Variants in TIMM8B observed in about 807,000 individuals in gnomAD.
The protein encoded by TIMM8B is translocase of inner mitochondrial membrane 8 homolog B, also known as mitochondrial import inner membrane translocase subunit Tim8 B.
A neutral mutation model predicts 8.5 loss-of-function variants in TIMM8B; 5 were observed. The observed-to-expected ratio is 0.59, with a 90% CI of 0.31 to 1.24. TIMM8B has a LOEUF of 1.24. Among genes scored for constraint, TIMM8B ranks in the 50% most tolerant of loss-of-function variants. The pLI is 0.07. For missense variants in TIMM8B, 104 were observed against 109.2 expected, an observed-to-expected ratio of 0.95 and a Z score of 0.21; for synonymous variants, 44 against 39.9, an observed-to-expected ratio of 1.10 and a Z score of -0.39.
chr11:112,085,547 A>G, intron 1 of TIMM8B, 85 bp from the exon 2 acceptor site: 1 of 1,161,612 alleles, frequency 8.6e-7, no homozygotes, highest in East Asian at 2.5e-5. Flanking sequence ...TTGACACCTG[A>G]CAAAACCATT....
Position 112,085,204 on chromosome 11 carries a change from A to T in TIMM8B, c.*91T>A. ...CAGACTTGATAACAGCCTGATGCTG[A>T]TCTGACAATGGGTTGATAGCCTTCC... On this transcript the variant is annotated 3_prime_UTR_variant, in exon 2 of 2. Coordinates refer to ENST00000504148, the MANE Select transcript of TIMM8B (RefSeq NM_012459.4). 1.9e-6 allele frequency: 2 copies of T among 1,030,958 alleles called. No homozygotes were observed. Among genetic ancestry groups the T allele is most frequent in the Non-Finnish European group, 2.8e-6 (2 of 717,986 alleles). The allele number at this position is 1,030,958 out of a possible 1,614,324, so 63.9% of individuals were successfully genotyped here.
At chr11:112,086,188 G>A (rs1865593401) in intron 1 of TIMM8B, 4 of 546,882 alleles carry the variant, frequency 7.3e-6, no homozygotes, top group Non-Finnish European at 1.3e-5. Flanking sequence ...ACCTTCCTCC[G>A]ATAATGTTCT....
Position 112,085,344 on chromosome 11 carries a change from A to T in TIMM8B, c.203T>A (p.Leu68His), listed in dbSNP as rs1451235051. Residue 68 changes from leucine (L) to histidine (H), a missense_variant, in exon 2 of 2, where the codon CTT becomes CAT. Transcript: ENST00000504148. ...CTGGGCAAACCGACTGGTGATGGCAAGAGTGGTGTCAATGAAGCGGTCTAC... is the reference window on the plus strand; with the variant it reads ...CTGGGCAAACCGACTGGTGATGGCATGAGTGGTGTCAATGAAGCGGTCTAC... ...SCVDRFIDTTLAITSRFAQIV... is the reference protein window; with the variant it reads ...SCVDRFIDTTHAITSRFAQIV... 6.2e-7 allele frequency: 1 copy of T among 1,613,252 alleles called. No homozygotes were observed. The highest frequency in any genetic ancestry group is 8.5e-7 in the Non-Finnish European group (1 of 1,179,934).
At chr11:112,085,514 CTTGT>C (rs1280431754) in intron 1 of TIMM8B, 52 bp from the exon 2 acceptor site, 2 of 1,471,602 alleles carry the variant, frequency 1.4e-6, no homozygotes, top group South Asian at 1.3e-5. Flanking sequence ...AGGCCTAACT[CTTGT>C]TTATTAACTT....
At chr11:112,086,395 C>T (rs900697323) in intron 1 of TIMM8B, 28 of 697,964 alleles carry the variant, frequency 4.0e-5, no homozygotes, top group Non-Finnish European at 6.1e-5. Context: ...CTCCCGTACC[C>T]TTGCGTCGCC....
chr11:112,085,104 C>T lies in TIMM8B; in HGVS notation c.*191G>A, dbSNP rs146725060. The T allele has an allele frequency of 2.0e-3, 928 of 459,356 alleles. 9 individuals carry two copies. The highest frequency in any genetic ancestry group is 0.015 in the African/African-American group (801 of 51,688). 28.5% of individuals were successfully genotyped at this position (459,356 alleles called of 1,614,324 possible). A position where few individuals can be genotyped will look rare whatever the true frequency, so the allele number is the denominator to read the frequency against. ...CACTTATTGAGTAACTGATGTCATACAACCTGGAATTTCTGAATTCCAAAT... is the reference window on the plus strand; with the variant it reads ...CACTTATTGAGTAACTGATGTCATATAACCTGGAATTTCTGAATTCCAAAT... On this transcript the variant is annotated 3_prime_UTR_variant, in exon 2 of 2. Transcript: ENST00000504148.
Position 112,085,014 on chromosome 11 carries a change from C to A in TIMM8B, c.*281G>T. 1 of 264,236 alleles carries A rather than the reference C, an allele frequency of 3.8e-6. No homozygotes were observed. Among genetic ancestry groups the A allele is most frequent in the East Asian group, 6.9e-5 (1 of 14,520 alleles). 16.4% of individuals were successfully genotyped at this position (264,236 alleles called of 1,614,324 possible). A position where few individuals can be genotyped will look rare whatever the true frequency, so the allele number is the denominator to read the frequency against. ...CCATGGAACATTTATTTCTAGTGTT[C>A]CTGCCAATCAGAGATCTCTATATTA... On this transcript the variant is annotated 3_prime_UTR_variant, in exon 2 of 2. Coordinates refer to ENST00000504148, the MANE Select transcript of TIMM8B (RefSeq NM_012459.4).
chr11:112,085,431 T>G lies in TIMM8B; in HGVS notation c.116A>C (p.Lys39Thr), dbSNP rs1566686365. 1 of 1,613,980 alleles carries G rather than the reference T, an allele frequency of 6.2e-7. No homozygotes were observed. The highest frequency in any genetic ancestry group is 8.5e-7 in the Non-Finnish European group (1 of 1,179,884). ...VHHFMELCWD[K>T]CVEKPGNRLD... is the part of the protein sequence containing the mutation. Reference sequence around the variant, plus strand: ...GCGATTCCCTGGCTTCTCCACACATTTATCCCAACATAACTCCATGAAGTG... The same window carrying G: ...GCGATTCCCTGGCTTCTCCACACATGTATCCCAACATAACTCCATGAAGTG... Residue 39 changes from lysine to threonine, a missense_variant, in exon 2 of 2, where the codon AAA (lysine) becomes ACA (threonine). By Grantham distance (78) the Lys-to-Thr change is moderately conservative (BLOSUM62 -1). Coordinates refer to ENST00000504148, the MANE Select transcript of TIMM8B (RefSeq NM_012459.4).
At position 112,085,283 on chromosome 11, in the gene TIMM8B, C is replaced by T. The variant is rs1865565405; in HGVS notation, c.*12G>A. The T allele has an allele frequency of 1.9e-6, 3 of 1,604,466 alleles. No homozygotes were observed. The highest frequency in any genetic ancestry group is 1.7e-5 in the Admixed American group (1 of 59,092). ...CAAGTCCTTTGCTTCTGTCATTCTCCTGGGGGATGGCCTACTGCCCTCCTT... is the reference window on the plus strand; with the variant it reads ...CAAGTCCTTTGCTTCTGTCATTCTCTTGGGGGATGGCCTACTGCCCTCCTT... On this transcript the variant is annotated 3_prime_UTR_variant, in exon 2 of 2. Coordinates refer to ENST00000504148, the MANE Select transcript of TIMM8B (RefSeq NM_012459.4).
Position 112,086,701 on chromosome 11 carries a change from T to C in TIMM8B, c.23A>G (p.Asp8Gly), listed in dbSNP as rs760495018. MAELGEA[D>G]EAELQRLVAA... is the part of the protein sequence containing the mutation. ...CACCAGGCGCTGCAACTCCGCTTCA[T>C]CGGCTTCGCCCAGCTCCGCCATTGT... The change falls in exon 1 of 2, where the codon GAT becomes GGT. Residue 8 changes from aspartate to glycine, a missense_variant. Coordinates refer to ENST00000504148, the MANE Select transcript of TIMM8B (RefSeq NM_012459.4). 5.6e-6 allele frequency: 9 copies of C among 1,603,448 alleles called. No individual in the cohort carries two copies. The African/African-American group carries it at 9.3e-5, about 17-fold the overall frequency.
chr11:112,086,665 T>G lies in TIMM8B; in HGVS notation c.59A>C (p.Gln20Pro), dbSNP rs1865606858. The change falls in exon 1 of 2, where the codon CAG becomes CCG. Residue 20 changes from glutamine to proline, a missense_variant. By Grantham distance (76) the Gln-to-Pro change is moderately conservative. Transcript: ENST00000504148. ...AELQRLVAAE[Q>P]QKAQFTAQVH... ...CTGTGCAGTAAACTGCGCCTTCTGCTGCTCGGCGGCCACCAGGCGCTGCAA... is the reference window on the plus strand; with the variant it reads ...CTGTGCAGTAAACTGCGCCTTCTGCGGCTCGGCGGCCACCAGGCGCTGCAA... 1 of 1,601,558 alleles carries G rather than the reference T, an allele frequency of 6.2e-7. No individual in the cohort carries two copies. The highest frequency in any genetic ancestry group is 8.5e-7 in the Non-Finnish European group (1 of 1,178,558).
intron 1 of TIMM8B, 67 bp downstream of exon 1, chr11:112,086,573 C>A: frequency 1.3e-6 from 2 of 1,494,564 alleles, no homozygotes; most frequent in East Asian, 2.5e-5. Context: ...GTACAGACCT[C>A]CGAGCGTGCC....
chr11:112,086,493 A>C, intron 1 of TIMM8B, 147 bp downstream of exon 1: 1 of 1,220,224 alleles, frequency 8.2e-7, no homozygotes, highest in Non-Finnish European at 1.1e-6. Flanking sequence ...CAGGGACAGG[A>C]GAGCCATAAC....
At chr11:112,085,803 CT>C (rs1321210642) in intron 1 of TIMM8B, among the ~76,000 whole-genome samples, 1 of 152,140 alleles carries the variant, frequency 6.6e-6, no homozygotes, top group East Asian at 1.9e-4. Flanking sequence ...TTCCATTAAC[CT>C]TTTGGGGGTT....
intron 1 of TIMM8B, chr11:112,086,053 A>G: frequency 8.5e-7 from 1 of 1,174,692 alleles, no homozygotes; most frequent in Admixed American, 3.6e-5. Context: ...CTCCCATTTA[A>G]GAGGCGTGAT....
At position 112,086,669 on chromosome 11, in the gene TIMM8B, C is replaced by A. The variant is rs1396247943; in HGVS notation, c.55G>T (p.Glu19Ter). ...EAELQRLVAA[E>*]QQKAQFTAQV... ...GCAGTAAACTGCGCCTTCTGCTGCT[C>A]GGCGGCCACCAGGCGCTGCAACTCC... Residue 19 changes from glutamate to a stop codon, truncating the protein, a stop_gained, in exon 1 of 2, where the codon GAG (glutamate) becomes TAG (stop). Coordinates refer to ENST00000504148, the MANE Select transcript of TIMM8B (RefSeq NM_012459.4). LOFTEE classifies it high-confidence loss of function. The A allele has an allele frequency of 6.2e-7, 1 of 1,601,742 alleles. No individual in the cohort carries two copies.
intron 1 of TIMM8B, chr11:112,086,158 C>A: frequency 1.4e-6 from 1 of 724,298 alleles, no homozygotes; most frequent in South Asian, 1.5e-5. Flanking sequence ...CCATAGTCTA[C>A]AGCGACTACT....
chr11:112,086,041 A>G (rs2135262583), intron 1 of TIMM8B: 1 of 1,171,910 alleles, frequency 8.5e-7, no homozygotes, highest in Non-Finnish European at 1.1e-6. Flanking sequence ...AGCTGTCATC[A>G]CCTCCCATTT....
chr11:112,086,655 C>T lies in TIMM8B; in HGVS notation c.69G>A (p.Ala23=), dbSNP rs1865606411. The change falls in exon 1 of 2, where the codon GCG becomes GCA. Residue 23 remains alanine, a synonymous_variant. Coordinates refer to ENST00000504148, the MANE Select transcript of TIMM8B (RefSeq NM_012459.4). The stretch of plus-strand genomic sequence containing the variant: ...GTCCCCGCACCTGTGCAGTAAACTG[C>T]GCCTTCTGCTGCTCGGCGGCCACCA... ...QRLVAAEQQK[A]QFTAQVHHFM... 2.5e-6 allele frequency: 4 copies of T among 1,599,788 alleles called. No homozygotes were observed. The highest frequency in any genetic ancestry group is 2.5e-6 in the Non-Finnish European group (3 of 1,177,974).
Sources: gnomAD v4.1 joint callset for allele counts (sites outside exome capture counted in the v4.1 genomes callset) on GRCh38, gnomAD v4.1.1 for gene constraint, MANE v1.5 for transcripts, NCBI Gene and HGNC (gene_info 2026-07-23, HGNC 2026-07-21) for gene names.